Variants in TBL1X observed in about 807,000 individuals in gnomAD.
TBL1X encodes the protein transducin beta like 1 X-linked, also known as F-box-like/WD repeat-containing protein TBL1X.
Under a neutral mutation model 50.7 loss-of-function variants are expected in TBL1X, and 10 were observed. The ratio of observed to expected loss-of-function variants is 0.20; its 90% CI spans 0.12 to 0.33. The LOEUF (loss-of-function observed/expected upper bound fraction) is 0.33. TBL1X is among the 10% of genes least tolerant of loss of function. The pLI, the probability that TBL1X is intolerant of heterozygous loss-of-function variation, is 1.00. For synonymous variants in TBL1X, 190 were observed against 214.7 expected, an observed-to-expected ratio of 0.88 and a Z score of 1.01; for missense variants, 340 against 504.4, an observed-to-expected ratio of 0.67 and a Z score of 3.12.
chrX:9,579,675 C>T (rs1464852782), intron 2 of TBL1X, among the ~76,000 whole-genome samples: 1 of 111,564 alleles, frequency 9.0e-6, no homozygotes, highest in African/African-American at 3.3e-5. Context: ...TAGTGAACAT[C>T]CTTTGTTTCC....
In TBL1X at chrX:9,716,269, G is replaced by T. The variant is rs761388448; in HGVS notation, c.*23G>T. On this transcript the variant is annotated 3_prime_UTR_variant, in exon 18 of 18. Transcript: ENST00000645353. ...TAACCACAAAATATTATCGAAAAAA[G>T]AAAAGAATTCTAATGACCAGCCGTG... is the stretch of plus-strand genomic sequence containing the variant. The T allele has an allele frequency of 6.5e-5, 78 of 1,200,448 alleles. No homozygotes were observed. Among genetic ancestry groups the T allele is most frequent in the Non-Finnish European group, 8.8e-5 (78 of 888,303 alleles).
chrX:9,714,747 C>T (rs891665124), intron 16 of TBL1X, among the ~76,000 whole-genome samples, 155 bp from the exon 17 acceptor site: 8 of 112,751 alleles, frequency 7.1e-5, no homozygotes, highest in African/African-American at 2.6e-4. Flanking sequence ...AGGCACATCT[C>T]CATGGCCCCC....
chrX:9,522,013 C>CG lies in TBL1X; in HGVS notation c.-131+20164_-131+20165insG, dbSNP rs1555963480. Among the ~76,000 whole-genome samples, 16 of 88,103 alleles carry CG rather than the reference C, an allele frequency of 1.8e-4. No homozygotes were observed. The East Asian group carries it at 5.2e-3, about 29-fold the overall frequency. The allele number at this position is 88,103 out of a possible 115,157, so 76.5% of individuals were successfully genotyped here. A position where few individuals can be genotyped will look rare whatever the true frequency, so the allele number is the denominator to read the frequency against. On this transcript the variant is annotated intron_variant, in intron 2 of 17. Coordinates refer to ENST00000645353, the MANE Select transcript of TBL1X (RefSeq NM_005647.4). ...TATTTATTTTTGTCTTTCTTCGTTT[C>CG]TTTTTTTTTTTTTTTTTTCCCTGAG...
chrX:9,593,999 C>T (rs148202532), intron 2 of TBL1X, among the ~76,000 whole-genome samples: 90 of 112,163 alleles, frequency 8.0e-4, no homozygotes, highest in African/African-American at 2.8e-3. Flanking sequence ...TGGTGATGCC[C>T]GATGTAGCTG....
chrX:9,539,373 T>C (rs762931391), intron 2 of TBL1X, among the ~76,000 whole-genome samples: 6 of 111,457 alleles, frequency 5.4e-5, no homozygotes, highest in Non-Finnish European at 9.4e-5. Context: ...GTTGACCGTA[T>C]GTACTCTATA....
At chrX:9,518,203 A>G (rs1343564337) in intron 2 of TBL1X, among the ~76,000 whole-genome samples, 1 of 112,264 alleles carries the variant, frequency 8.9e-6, no homozygotes, top group Non-Finnish European at 1.9e-5. Context: ...ATGCCCATTC[A>G]TGGACATATT....
chrX:9,572,448 T>C (rs1218241075), intron 2 of TBL1X, among the ~76,000 whole-genome samples: 1 of 112,949 alleles, frequency 8.9e-6, no homozygotes, highest in East Asian at 2.8e-4. Flanking sequence ...TTTCAATCCG[T>C]GTGTATAAAC....
At chrX:9,471,222 C>T (rs1011972161) in intron 1 of TBL1X, among the ~76,000 whole-genome samples, 1 of 112,498 alleles carries the variant, frequency 8.9e-6, no homozygotes, top group African/African-American at 3.2e-5. Flanking sequence ...GGCCATATGT[C>T]GCTTTCTGTG....
intron 5 of TBL1X, among the ~76,000 whole-genome samples, chrX:9,681,169 C>A (rs1288594180): frequency 8.9e-6 from 1 of 112,003 alleles, no homozygotes; most frequent in Non-Finnish European, 1.9e-5. Flanking sequence ...CTTTGCACAC[C>A]GTTCTTTGTG....
At position 9,714,966 on chromosome X, in the gene TBL1X, G is replaced by A. The variant is rs777898197; in HGVS notation, c.1670G>A (p.Arg557Gln). The A allele has an allele frequency of 1.1e-5, 13 of 1,210,308 alleles. No homozygotes were observed. Among genetic ancestry groups the A allele is most frequent in the South Asian group, 3.5e-5 (2 of 56,752 alleles). Reference protein sequence around the residue: ...GGIFEVCWNARGDKVGASASD... With the variant: ...GGIFEVCWNAQGDKVGASASD... Reference sequence around the variant, plus strand: ...ATCTTCGAGGTGTGCTGGAACGCCCGAGGAGACAAAGTGGGTGCCAGCGCG... The same window carrying A: ...ATCTTCGAGGTGTGCTGGAACGCCCAAGGAGACAAAGTGGGTGCCAGCGCG... The change falls in exon 17 of 18, where the codon CGA (arginine) becomes CAA (glutamine). Residue 557 changes from arginine to glutamine, a missense_variant. Physicochemically the swap from Arg to Gln is conservative, Grantham distance 43. Coordinates refer to ENST00000645353, the MANE Select transcript of TBL1X (RefSeq NM_005647.4).
chrX:9,654,732 A>C (rs2082856042), intron 5 of TBL1X, among the ~76,000 whole-genome samples: 1 of 110,970 alleles, frequency 9.0e-6, no homozygotes, highest in Non-Finnish European at 1.9e-5. Context: ...GCTGCTAGGC[A>C]ATTTTCTAAA....
At chrX:9,670,862 A>G (rs983986663) in intron 5 of TBL1X, among the ~76,000 whole-genome samples, 8 of 112,857 alleles carry the variant, frequency 7.1e-5, no homozygotes, top group Non-Finnish European at 1.5e-4. Context: ...GTTTAAAAAA[A>G]GAATCTTTAT....
chrX:9,552,886 T>C (rs941342840), intron 2 of TBL1X, among the ~76,000 whole-genome samples: 27 of 112,033 alleles, frequency 2.4e-4, no homozygotes, highest in Non-Finnish European at 4.3e-4. Context: ...CTCATGCCTG[T>C]AATCCCAGCA....
chrX:9,565,234 T>C (rs1389765317), intron 2 of TBL1X, among the ~76,000 whole-genome samples: 7 of 83,376 alleles, frequency 8.4e-5, no homozygotes, highest in African/African-American at 1.4e-4. Flanking sequence ...ATGGCGCCAC[T>C]GCACTCCAGC....
chrX:9,578,206 C>T (rs1323291030), intron 2 of TBL1X, among the ~76,000 whole-genome samples: 1 of 111,650 alleles, frequency 9.0e-6, no homozygotes, highest in Non-Finnish European at 1.9e-5. Context: ...TGCAAACCAG[C>T]CCTGTTAAGT....
chrX:9,488,211 A>G (rs181301094), intron 1 of TBL1X, among the ~76,000 whole-genome samples: 3 of 112,345 alleles, frequency 2.7e-5, no homozygotes, highest in East Asian at 2.8e-4. Flanking sequence ...AAGTGACTGC[A>G]CATTTACTGG....
chrX:9,691,743 G>A, intron 8 of TBL1X, 32 bp downstream of exon 8: 2 of 1,204,721 alleles, frequency 1.7e-6, no homozygotes, highest in Non-Finnish European at 2.2e-6. Context: ...GCGCTCCAGA[G>A]TTGGGGAGAT....
chrX:9,535,952 A>G (rs1046501486), intron 2 of TBL1X, among the ~76,000 whole-genome samples: 2 of 111,793 alleles, frequency 1.8e-5, no homozygotes, highest in African/African-American at 3.3e-5. Flanking sequence ...CAAATGATTC[A>G]CCCTTTGCCA....
chrX:9,536,094 C>T (rs1317513457), intron 2 of TBL1X, among the ~76,000 whole-genome samples: 3 of 111,627 alleles, frequency 2.7e-5, no homozygotes, highest in Non-Finnish European at 5.6e-5. Flanking sequence ...CAGGCATAGG[C>T]AGTCTTCTGT....
Sources: gnomAD v4.1 joint callset for allele counts (sites outside exome capture counted in the v4.1 genomes callset) on GRCh38, gnomAD v4.1.1 for gene constraint, MANE v1.5 for transcripts, NCBI Gene and HGNC (gene_info 2026-07-23, HGNC 2026-07-21) for gene names.